The following KLHL7 variants were observed in gnomAD, a reference collection of about 807,000 sequenced individuals.
The protein encoded by KLHL7 is kelch-like protein 7.
Under a neutral mutation model 67.4 loss-of-function variants are expected in KLHL7, and 44 were observed. The ratio of observed to expected loss-of-function variants is 0.65; its 90% CI spans 0.51 to 0.84. The LOEUF is 0.84. Among genes scored for constraint, KLHL7 ranks in the 40% least tolerant of loss-of-function variants. The pLI is 0.00. For missense variants in KLHL7, 362 were observed against 718.1 expected (o/e 0.50, Z 5.67); for synonymous variants, 252 against 243.3 (o/e 1.04, Z -0.33).
At chr7:23,131,340 C>A (rs1197618905) in intron 4 of KLHL7, among the ~76,000 whole-genome samples, 1 of 151,862 alleles carries the variant, frequency 6.6e-6, no homozygotes, top group African/African-American at 2.4e-5. Context: ...ACAAATGGTT[C>A]TTGTGTATTT....
At chr7:23,166,340 AAAG>A (rs1417007687) in intron 8 of KLHL7, among the ~76,000 whole-genome samples, 1 of 152,166 alleles carries the variant, frequency 6.6e-6, no homozygotes, top group African/African-American at 2.4e-5. Flanking sequence ...TTATTAGAAA[AAAG>A]AATGCTCTTT....
In KLHL7 at chr7:23,173,032, T is replaced by A; in HGVS notation, c.1464T>A (p.Gly488=). 2 of 1,612,694 alleles carry A rather than the reference T, an allele frequency of 1.2e-6. No individual in the cohort carries two copies. The highest frequency in any genetic ancestry group is 1.7e-6 in the Non-Finnish European group (2 of 1,178,768). The change falls in exon 10 of 11, where the codon GGT becomes GGA. Residue 488 remains glycine, a synonymous_variant. Transcript: ENST00000339077. ...AAGACAAGATATTTGCTGTGGGTGG[T>A]CAGAATGGTTTAGGTATGTGATGTT... is the stretch of plus-strand genomic sequence containing the variant. ...FVKDKIFAVG[G]QNGLGGLDNV...
At chr7:23,172,199 A>G (rs776986980) in intron 9 of KLHL7, 4 of 456,244 alleles carry the variant, frequency 8.8e-6, no homozygotes, top group Non-Finnish European at 8.8e-6. Context: ...GAGTGTATGC[A>G]GAAGAATGTA....
chr7:23,106,683 A>G (rs1379970754), intron 1 of KLHL7: 1 of 1,007,706 alleles, frequency 9.9e-7, no homozygotes, highest in East Asian at 9.3e-5. Flanking sequence ...GCCATCGATA[A>G]ATACCATGCC....
intron 1 of KLHL7, among the ~76,000 whole-genome samples, chr7:23,123,484 GAAA>G (rs1161710933): frequency 6.2e-5 from 6 of 96,530 alleles, no homozygotes; most frequent in South Asian, 3.7e-4. Flanking sequence ...ATCTGTGTCA[GAAA>G]AAAAAAAAAA....
intron 7 of KLHL7, among the ~76,000 whole-genome samples, chr7:23,154,371 C>CAAACA (rs1282875169): frequency 2.6e-5 from 4 of 151,296 alleles, no homozygotes; most frequent in Non-Finnish European, 5.9e-5. Context: ...AACAAACAAA[C>CAAACA]AAAAAAAGAC....
At chr7:23,156,784 A>C (rs576765542) in intron 7 of KLHL7, among the ~76,000 whole-genome samples, 82 of 152,330 alleles carry the variant, frequency 5.4e-4, no homozygotes, top group African/African-American at 1.8e-3. Flanking sequence ...TCAGAACTCT[A>C]AGGTAGACTC....
intron 9 of KLHL7, among the ~76,000 whole-genome samples, chr7:23,168,256 T>C (rs939724545): frequency 5.6e-4 from 85 of 152,322 alleles, no homozygotes; most frequent in African/African-American, 2.0e-3. Context: ...AACCTCTTTC[T>C]TTCTGGTTCT....
At chr7:23,146,805 T>A (rs1355537151) in intron 6 of KLHL7, among the ~76,000 whole-genome samples, 1 of 152,110 alleles carries the variant, frequency 6.6e-6, no homozygotes, top group African/African-American at 2.4e-5. Context: ...TTGAAACACA[T>A]TAAACTAAAT....
intron 4 of KLHL7, among the ~76,000 whole-genome samples, chr7:23,138,339 G>A (rs575884940): frequency 2.7e-5 from 4 of 150,678 alleles, no homozygotes; most frequent in Non-Finnish European, 5.9e-5. Context: ...GCATGCGCCT[G>A]TACTCCCAGC....
Position 23,168,010 on chromosome 7 carries a change from G to C in KLHL7, c.1352G>C (p.Cys451Ser), listed in dbSNP as rs1236875413. Residue 451 changes from cysteine (C) to serine (S), a missense_variant, in exon 9 of 11, where the codon TGT (cysteine) becomes TCT (serine). By Grantham distance (112) the Cys-to-Ser change is moderately radical. Coordinates refer to ENST00000339077, the MANE Select transcript of KLHL7 (RefSeq NM_001031710.3). Reference protein sequence around the residue: ...NNVSGRVLNSCEVYDPATETW... With the variant: ...NNVSGRVLNSSEVYDPATETW... Reference sequence around the variant, plus strand: ...GTTTCTGGGAGAGTGCTTAATTCCTGTGAAGTTTATGATCCTGCCACAGAA... The same window carrying C: ...GTTTCTGGGAGAGTGCTTAATTCCTCTGAAGTTTATGATCCTGCCACAGAA... 3 of 1,614,184 alleles carry C rather than the reference G, an allele frequency of 1.9e-6. No individual in the cohort carries two copies. Among genetic ancestry groups the C allele is most frequent in the Non-Finnish European group, 2.5e-6 (3 of 1,180,000 alleles).
chr7:23,125,282 T>A, intron 4 of KLHL7, 110 bp downstream of exon 4: 1 of 1,139,588 alleles, frequency 8.8e-7, no homozygotes, highest in South Asian at 1.4e-5. Flanking sequence ...CTTAAAGACA[T>A]TGTCCACTAG....
chr7:23,171,605 T>A (rs887603823), intron 9 of KLHL7, among the ~76,000 whole-genome samples: 1 of 152,230 alleles, frequency 6.6e-6, no homozygotes, highest in African/African-American at 2.4e-5. Flanking sequence ...GTGGTGACTG[T>A]CAAACCATTT....
At position 23,152,218 on chromosome 7, in the gene KLHL7, T is replaced by A. The variant is rs201497466; in HGVS notation, c.936+9T>A. On this transcript the variant is annotated intron_variant, in intron 7 of 10. Transcript: ENST00000339077. ...GATATTTTAACCCAAAGGTAACTAA[T>A]TTTTATTCTTGGTTTTTGTTGTTGT... 60 of 1,613,446 alleles carry A rather than the reference T, an allele frequency of 3.7e-5. 1 individual carries two copies. The Admixed American group carries it at 5.5e-4, about 15-fold the overall frequency.
chr7:23,106,841 AAG>A, intron 1 of KLHL7: 1 of 984,020 alleles, frequency 1.0e-6, no homozygotes, highest in Non-Finnish European at 1.2e-6. Flanking sequence ...AGGTGAAACA[AAG>A]AGGCTTTTTT....
intron 9 of KLHL7, among the ~76,000 whole-genome samples, chr7:23,172,470 T>C (rs953132009): frequency 1.3e-5 from 2 of 152,218 alleles, no homozygotes; most frequent in African/African-American, 4.8e-5. Flanking sequence ...TACTATTAAT[T>C]TCCTGATTGC....
At chr7:23,121,528 A>G (rs1261182060) in intron 1 of KLHL7, among the ~76,000 whole-genome samples, 1 of 150,642 alleles carries the variant, frequency 6.6e-6, no homozygotes, top group Admixed American at 6.6e-5. Context: ...TCGAATTCCT[A>G]GGCTCAAGCA....
chr7:23,162,051 A>G (rs1324467793), intron 7 of KLHL7, among the ~76,000 whole-genome samples: 1 of 152,218 alleles, frequency 6.6e-6, no homozygotes, highest in Admixed American at 6.5e-5. Context: ...TCCAACAATG[A>G]CAATTCAAGT....
chr7:23,106,038 TG>T lies in KLHL7; in HGVS notation c.16del (p.Val6TrpfsTer29). ...CGAGCTGAGGGAGGATGGCAGCCTC[TG>T]GGGTGGAGAAGAGCAGCAAGAAGAA... MAAS[G>X]VEKSSKKKTE... On this transcript the variant is annotated frameshift_variant, in exon 1 of 11. Transcript: ENST00000339077. LOFTEE classifies it high-confidence loss of function. 1 of 1,610,228 alleles carries T rather than the reference TG, an allele frequency of 6.2e-7. No homozygotes were observed. The highest frequency in any genetic ancestry group is 8.5e-7 in the Non-Finnish European group (1 of 1,178,820).
Sources: gnomAD v4.1 joint callset for allele counts (sites outside exome capture counted in the v4.1 genomes callset) on GRCh38, gnomAD v4.1.1 for gene constraint, MANE v1.5 for transcripts, NCBI Gene and HGNC (gene_info 2026-07-23, HGNC 2026-07-21) for gene names.